MTHFD1L: variants seen among roughly 807,000 people sequenced by gnomAD.
MTHFD1L encodes the protein monofunctional C1-tetrahydrofolate synthase, mitochondrial.
In MTHFD1L, 81 loss-of-function variants were observed where a neutral mutation model predicts 119.5. The ratio of observed to expected loss-of-function variants is 0.68; its 90% CI spans 0.57 to 0.82. The LOEUF is 0.82. Ranked by LOEUF, MTHFD1L falls within the 40% of genes least tolerant of loss-of-function variation. The pLI, the probability that MTHFD1L is intolerant of heterozygous loss-of-function variation, is 0.00. For missense variants in MTHFD1L, 1,125 were observed against 1,253.4 expected (o/e 0.90, Z 1.55); for synonymous variants, 430 against 475.2 (o/e 0.90, Z 1.24).
chr6:150,895,779 G>A (rs1012024328), intron 7 of MTHFD1L, among the ~76,000 whole-genome samples: 4 of 152,138 alleles, frequency 2.6e-5, no homozygotes, highest in Non-Finnish European at 5.9e-5. Flanking sequence ...AAAGAATAAT[G>A]TCTGTCCCAA....
rs190885653 is a variant in MTHFD1L at position 150,896,834 on chromosome 6, C to T, written c.781-8816C>T. On this transcript the variant is annotated intron_variant, in intron 7 of 27. Coordinates refer to ENST00000367321, the MANE Select transcript of MTHFD1L (RefSeq NM_015440.5). The stretch of plus-strand genomic sequence containing the variant: ...GACCAAGAAGGGGCTGTGTGGCGGG[C>T]GCGGTGGCTCACACCTGTAACCCCA... Among the ~76,000 whole-genome samples the T allele has an allele frequency of 5.2e-3, 790 of 151,978 alleles. 3 individuals carry two copies. The highest frequency in any genetic ancestry group is 0.018 in the African/African-American group (753 of 41,438).
At chr6:151,079,123 A>T (rs1792862918) in intron 26 of MTHFD1L, among the ~76,000 whole-genome samples, 1 of 152,176 alleles carries the variant, frequency 6.6e-6, no homozygotes, top group African/African-American at 2.4e-5. Context: ...AACAAGCTGC[A>T]GAAGAACAGG....
chr6:150,871,417 G>C (rs1344727534), intron 1 of MTHFD1L, among the ~76,000 whole-genome samples: 1 of 149,632 alleles, frequency 6.7e-6, no homozygotes, highest in Non-Finnish European at 1.5e-5. Context: ...ACAGTAGTAG[G>C]ACTTCTTTCA....
intron 4 of MTHFD1L, among the ~76,000 whole-genome samples, chr6:150,879,687 T>C (rs982842635): frequency 7.2e-6 from 1 of 138,708 alleles, no homozygotes; most frequent in Non-Finnish European, 1.5e-5. Context: ...TAGAGTCCAA[T>C]GGCGCAATCT....
At chr6:151,091,274 A>G (rs1046683748) in intron 26 of MTHFD1L, among the ~76,000 whole-genome samples, 1 of 152,214 alleles carries the variant, frequency 6.6e-6, no homozygotes, top group Non-Finnish European at 1.5e-5. Flanking sequence ...GCATTGCTCC[A>G]TGTGACTGGG....
At chr6:150,985,517 C>A (rs904597644) in intron 20 of MTHFD1L, among the ~76,000 whole-genome samples, 1 of 151,768 alleles carries the variant, frequency 6.6e-6, no homozygotes, top group Non-Finnish European at 1.5e-5. Context: ...AAAAATTAGC[C>A]GGGCTTGGTA....
intron 8 of MTHFD1L, among the ~76,000 whole-genome samples, chr6:150,914,600 AATGATCGTG>A (rs1412660814): frequency 6.6e-6 from 1 of 151,780 alleles, no homozygotes; most frequent in African/African-American, 2.4e-5. Flanking sequence ...TCAAGGCTGC[AATGATCGTG>A]ATCACATCAC....
At chr6:151,018,628 T>C (rs969126826) in intron 24 of MTHFD1L, among the ~76,000 whole-genome samples, 6 of 152,186 alleles carry the variant, frequency 3.9e-5, no homozygotes, top group Non-Finnish European at 5.9e-5. Context: ...CACCCTGCTC[T>C]GTTCTTCAGA....
intron 26 of MTHFD1L, among the ~76,000 whole-genome samples, chr6:151,074,172 T>C (rs963147475): frequency 6.6e-6 from 1 of 152,202 alleles, no homozygotes; most frequent in Non-Finnish European, 1.5e-5. Context: ...TAAAGACTAT[T>C]TTAGACACGT....
chr6:151,025,224 C>T (rs1269229202), intron 24 of MTHFD1L, among the ~76,000 whole-genome samples: 1 of 152,210 alleles, frequency 6.6e-6, no homozygotes, highest in Admixed American at 6.5e-5. Flanking sequence ...TCAGGGCCCG[C>T]GAGCCCACAG....
intron 26 of MTHFD1L, among the ~76,000 whole-genome samples, chr6:151,081,540 C>T (rs1422609546): frequency 6.7e-5 from 10 of 150,152 alleles, no homozygotes; most frequent in Non-Finnish European, 1.2e-4. Flanking sequence ...GGCATGGTGG[C>T]ACACGCCAGT....
intron 11 of MTHFD1L, among the ~76,000 whole-genome samples, chr6:150,932,898 AAG>A (rs950788193): frequency 4.5e-5 from 6 of 134,488 alleles, no homozygotes; most frequent in Non-Finnish European, 7.9e-5. Context: ...AAGGAAGGAA[AAG>A]AGAGAAAGAA....
intron 16 of MTHFD1L, among the ~76,000 whole-genome samples, chr6:150,954,425 C>A (rs142788468): frequency 1.3e-5 from 2 of 152,236 alleles, no homozygotes; most frequent in South Asian, 2.1e-4. Context: ...CAGTGGCTCA[C>A]GCCAGTTATC....
At position 151,092,585 on chromosome 6, in the gene MTHFD1L, C is replaced by G; in HGVS notation, c.*29C>G. On this transcript the variant is annotated splice_region_variant and 3_prime_UTR_variant, in exon 27 of 28. Coordinates refer to ENST00000367321, the MANE Select transcript of MTHFD1L (RefSeq NM_015440.5). ...GACAAGGCTCTCACAGGACCCGATGCAGGTAGGCTGATGTGCTTCAACTTT... is the reference window on the plus strand; with the variant it reads ...GACAAGGCTCTCACAGGACCCGATGGAGGTAGGCTGATGTGCTTCAACTTT... 2 of 1,570,614 alleles carry G rather than the reference C, an allele frequency of 1.3e-6. No homozygotes were observed. Among genetic ancestry groups the G allele is most frequent in the Non-Finnish European group, 1.7e-6 (2 of 1,148,350 alleles).
At chr6:151,096,116 G>A (rs773083719) in intron 27 of MTHFD1L, among the ~76,000 whole-genome samples, 8 of 152,120 alleles carry the variant, frequency 5.3e-5, no homozygotes, top group African/African-American at 9.7e-5. Flanking sequence ...GGCCCATTCC[G>A]AAAGATGATA....
rs148757476 is a variant in MTHFD1L, at chr6:150,960,553, C to T, written c.1944+138C>T. ...AGTTTCCACACACACATTTCTTCCC[C>T]GACAAGCATGTTTGCCTAACTGCTT... On this transcript the variant is annotated intron_variant, in intron 18 of 27. Coordinates refer to ENST00000367321, the MANE Select transcript of MTHFD1L (RefSeq NM_015440.5). 167 of 1,200,936 alleles carry T rather than the reference C, an allele frequency of 1.4e-4. No homozygotes were observed. The African/African-American group carries it at 2.1e-3, about 15-fold the overall frequency. The allele number at this position is 1,200,936 out of a possible 1,614,324, so 74.4% of individuals were successfully genotyped here.
chr6:150,964,340 C>T (rs1175371929), intron 18 of MTHFD1L, among the ~76,000 whole-genome samples: 2 of 152,180 alleles, frequency 1.3e-5, no homozygotes, highest in African/African-American at 4.8e-5. Flanking sequence ...CAACCCAGTA[C>T]TTCCTAGGAT....
chr6:151,014,798 A>C lies in MTHFD1L; in HGVS notation c.2308-82A>C, dbSNP rs113526486. The C allele has an allele frequency of 4.2e-6, 4 of 947,904 alleles. No individual in the cohort carries two copies. The African/African-American group carries it at 5.0e-5, about 12-fold the overall frequency. The allele number at this position is 947,904 out of a possible 1,614,324, so 58.7% of individuals were successfully genotyped here. A position where few individuals can be genotyped will look rare whatever the true frequency, so the allele number is the denominator to read the frequency against. ...AAAAAGATGTAGCAAATCCTGCCAG[A>C]GAGGTGCTGGCAGTTTAGCTTGGCA... On this transcript the variant is annotated intron_variant, in intron 22 of 27. Coordinates refer to ENST00000367321, the MANE Select transcript of MTHFD1L (RefSeq NM_015440.5).
At chr6:151,016,987 C>T (rs901008015) in intron 24 of MTHFD1L, among the ~76,000 whole-genome samples, 47 of 151,586 alleles carry the variant, frequency 3.1e-4, no homozygotes, top group African/African-American at 9.9e-4. Flanking sequence ...GTTGCCCGGG[C>T]TGGTCTCGAA....
Sources: gnomAD v4.1 joint callset for allele counts (sites outside exome capture counted in the v4.1 genomes callset) on GRCh38, gnomAD v4.1.1 for gene constraint, MANE v1.5 for transcripts, NCBI Gene and HGNC (gene_info 2026-07-23, HGNC 2026-07-21) for gene names.